PRMT9: variants seen among roughly 807,000 people sequenced by gnomAD.
The protein encoded by PRMT9 is protein arginine methyltransferase 9.
Under a neutral mutation model 83.2 loss-of-function variants are expected in PRMT9, and 59 were observed. The ratio of observed to expected loss-of-function variants is 0.71; its 90% confidence interval spans 0.57 to 0.88. PRMT9 has a LOEUF of 0.88. Among genes scored for constraint, PRMT9 ranks in the 40% least tolerant of loss-of-function variants. The pLI, the probability that PRMT9 is intolerant of heterozygous loss-of-function variation, is 0.00. For synonymous variants in PRMT9, 333 were observed against 353.2 expected (o/e 0.94, Z 0.64); for missense variants, 947 against 1,021.9 (o/e 0.93, Z 1.00).
chr4:147,680,005 T>G (rs1181019732), intron 2 of PRMT9, among the ~76,000 whole-genome samples: 1 of 152,098 alleles, frequency 6.6e-6, no homozygotes, highest in Non-Finnish European at 1.5e-5. Context: ...TACAAGAAGT[T>G]CCCTGGCAAG....
At chr4:147,682,328 C>G (rs965218192) in intron 1 of PRMT9, among the ~76,000 whole-genome samples, 2 of 151,988 alleles carry the variant, frequency 1.3e-5, no homozygotes, top group African/African-American at 4.8e-5. Flanking sequence ...TACAGGCATG[C>G]ACCACCACGC....
rs547875094 is a variant in PRMT9, at chr4:147,638,620, T to G, written c.2450A>C (p.Asp817Ala). ...TCCCATTTCAACCTGGATGGGATTATCTAAAACAACTGCAGCTTGTTTCCA... is the reference window on the plus strand; with the variant it reads ...TCCCATTTCAACCTGGATGGGATTAGCTAAAACAACTGCAGCTTGTTTCCA... ...SHWKQAAVVL[D>A]NPIQVEMGEE... Residue 817 changes from aspartate (D) to alanine (A), a missense_variant, in exon 12 of 12, where the codon GAT becomes GCT. Transcript: ENST00000322396. 4.6e-5 allele frequency: 74 copies of G among 1,613,968 alleles called. No homozygotes were observed. In the South Asian group the frequency reaches 7.7e-4, roughly 17 times the overall value.
At position 147,638,526 on chromosome 4, in the gene PRMT9, T is replaced by G; in HGVS notation, c.*6A>C. ...ATTTACACAGTTTTCATTGGAAAAC[T>G]GCTCTTCATTGCTTTACTGTGATGC... is the stretch of plus-strand genomic sequence containing the variant. On this transcript the variant is annotated 3_prime_UTR_variant, in exon 12 of 12. Transcript: ENST00000322396. 6.2e-7 allele frequency: 1 copy of G among 1,609,998 alleles called. No homozygotes were observed.
At chr4:147,657,605 T>A (rs1019822105) in intron 8 of PRMT9, among the ~76,000 whole-genome samples, 187 bp downstream of exon 8, 1 of 151,958 alleles carries the variant, frequency 6.6e-6, no homozygotes, top group African/African-American at 2.4e-5. Flanking sequence ...CAGAGTTGTG[T>A]TTGTCTCTCT....
In PRMT9 at chr4:147,638,934, G is replaced by A. The variant is rs199696814; in HGVS notation, c.2322+26C>T. On this transcript the variant is annotated intron_variant, in intron 11 of 11. Transcript: ENST00000322396. ...ATAATTATTCTAAACAATAACAAAC[G>A]AAATCATTTTGCATGTTGTCCTTAC... The A allele has an allele frequency of 1.3e-3, 2,038 of 1,600,506 alleles. 42 individuals are homozygous for A. In the South Asian group the frequency reaches 0.02, roughly 16 times the overall value.
At chr4:147,656,647 C>G (rs1734507629) in intron 8 of PRMT9, among the ~76,000 whole-genome samples, 1 of 151,554 alleles carries the variant, frequency 6.6e-6, no homozygotes, top group Admixed American at 6.6e-5. Context: ...TGGCATGCAC[C>G]TGTAGTCCCA....
chr4:147,680,434 T>C lies in PRMT9; in HGVS notation c.227A>G (p.Glu76Gly), dbSNP rs777058570. 1.2e-6 allele frequency: 2 copies of C among 1,614,058 alleles called. No homozygotes were observed. The highest frequency in any genetic ancestry group is 1.7e-6 in the Non-Finnish European group (2 of 1,179,922). Residue 76 changes from glutamate (E) to glycine (G), a missense_variant, in exon 2 of 12, where the codon GAG becomes GGG. Transcript: ENST00000322396. ...FQYTLFRWAE[E>G]LDALSRIQDL... Reference sequence around the variant, plus strand: ...TTGTATCCGACTGAGAGCATCAAGCTCTTCAGCCCATCTGAAAAGTGTGTA... The same window carrying C: ...TTGTATCCGACTGAGAGCATCAAGCCCTTCAGCCCATCTGAAAAGTGTGTA...
chr4:147,647,161 T>C (rs1320550355), intron 9 of PRMT9, among the ~76,000 whole-genome samples: 2 of 152,226 alleles, frequency 1.3e-5, no homozygotes, highest in Non-Finnish European at 2.9e-5. Flanking sequence ...CCAGTCATTG[T>C]ACCCTAGCTT....
chr4:147,661,805 AAAAAAAAAT>A (rs1734981722), intron 6 of PRMT9, among the ~76,000 whole-genome samples: 1 of 151,566 alleles, frequency 6.6e-6, no homozygotes, highest in East Asian at 1.9e-4. Context: ...AAAAAAAAAA[AAAAAAAAAT>A]TCACAATGCA....
intron 9 of PRMT9, among the ~76,000 whole-genome samples, chr4:147,649,694 G>A (rs929141182): frequency 7.9e-5 from 12 of 152,116 alleles, no homozygotes; most frequent in Non-Finnish European, 1.5e-4. Flanking sequence ...TAGTAGAAAC[G>A]GGGTTTCTCC....
intron 9 of PRMT9, among the ~76,000 whole-genome samples, chr4:147,650,292 A>G (rs540054454): frequency 6.6e-6 from 1 of 152,360 alleles, no homozygotes; most frequent in South Asian, 2.1e-4. Flanking sequence ...AACAACAACA[A>G]AAACCTGTTA....
intron 2 of PRMT9, among the ~76,000 whole-genome samples, chr4:147,676,292 T>C (rs1173698693): frequency 1.3e-5 from 2 of 152,246 alleles, no homozygotes; most frequent in African/African-American, 4.8e-5. Flanking sequence ...CTTGGAATGT[T>C]ATGATCACCG....
In PRMT9 at chr4:147,673,095, C is replaced by T. The variant is rs1273215301; in HGVS notation, c.607G>A (p.Val203Met). The change falls in exon 4 of 12, where the codon GTG becomes ATG. Residue 203 changes from valine (V) to methionine (M), a missense_variant. Val to Met is a conservative substitution (Grantham distance 21, BLOSUM62 1). Coordinates refer to ENST00000322396, the MANE Select transcript of PRMT9 (RefSeq NM_138364.4). ...GTCTTGGATAACTCACAGGCATACA[C>T]GGAATGTGCTCCAGCTTTTTTAGCA... ...MFAKKAGAHS[V>M]YACELSKTMY... The T allele has an allele frequency of 1.5e-5, 25 of 1,613,748 alleles. No individual in the cohort carries two copies. The highest frequency in any genetic ancestry group is 8.0e-5 in the African/African-American group (6 of 74,890).
intron 10 of PRMT9, among the ~76,000 whole-genome samples, chr4:147,642,058 A>C (rs1733438045): frequency 6.6e-6 from 1 of 152,088 alleles, no homozygotes; most frequent in East Asian, 1.9e-4. Flanking sequence ...TGCTCTCTGC[A>C]GTCTGATTTC....
intron 2 of PRMT9, among the ~76,000 whole-genome samples, chr4:147,678,534 A>G (rs540320528): frequency 2.6e-5 from 4 of 152,342 alleles, no homozygotes; most frequent in African/African-American, 9.6e-5. Context: ...AGGCCTGATT[A>G]CAAAACTGTC....
intron 9 of PRMT9, among the ~76,000 whole-genome samples, chr4:147,646,633 T>C (rs1414020969): frequency 1.4e-5 from 2 of 145,758 alleles, no homozygotes; most frequent in Non-Finnish European, 3.0e-5. Context: ...AAAATAAAAC[T>C]TCTGACACAA....
At chr4:147,682,024 G>A (rs1438945598) in intron 1 of PRMT9, among the ~76,000 whole-genome samples, 1 of 151,944 alleles carries the variant, frequency 6.6e-6, no homozygotes, top group Non-Finnish European at 1.5e-5. Flanking sequence ...TTTTCTTTTT[G>A]AGATGGAGTC....
At chr4:147,656,771 C>CAAAAAAAAAAAAAAAAA (rs1023416920) in intron 8 of PRMT9, among the ~76,000 whole-genome samples, 19 of 47,908 alleles carry the variant, frequency 4.0e-4, no homozygotes, top group East Asian at 7.0e-4. Context: ...GACTCTGTCT[C>CAAAAAAAAAAAAAAAAA]AAAAAAAAAA....
intron 4 of PRMT9, chr4:147,671,816 G>C: frequency 2.2e-6 from 1 of 454,994 alleles, no homozygotes; most frequent in Admixed American, 2.4e-5. Flanking sequence ...ATTAAATTAA[G>C]GTAACTTTGA....
Sources: gnomAD v4.1 joint callset for allele counts (sites outside exome capture counted in the v4.1 genomes callset) on GRCh38, gnomAD v4.1.1 for gene constraint, MANE v1.5 for transcripts, NCBI Gene and HGNC (gene_info 2026-07-23, HGNC 2026-07-21) for gene names.